The following SP2 variants were observed in gnomAD, a reference collection of about 807,000 sequenced individuals.
SP2 encodes the protein transcription factor Sp2.
A neutral mutation model predicts 50.1 loss-of-function variants in SP2; 9 were observed. The ratio of observed to expected loss-of-function variants is 0.18; its 90% CI spans 0.11 to 0.31. The LOEUF is 0.31. Among genes scored for constraint, SP2 ranks in the 10% least tolerant of loss-of-function variants. The pLI is 1.00. For synonymous variants in SP2, 313 were observed against 326.6 expected (o/e 0.96, Z 0.45); for missense variants, 581 against 806.5 (o/e 0.72, Z 3.39).
At chr17:47,924,853 G>T in intron 4 of SP2, 66 bp from the exon 5 acceptor site, 7 of 1,421,286 alleles carry the variant, frequency 4.9e-6, no homozygotes, top group Non-Finnish European at 6.7e-6. Flanking sequence ...GTGCAGAAGG[G>T]CAGAAGGGTT....
chr17:47,903,728 G>A (rs947671935), intron 1 of SP2, among the ~76,000 whole-genome samples: 6 of 152,142 alleles, frequency 3.9e-5, no homozygotes, highest in East Asian at 3.9e-4. Flanking sequence ...TTGGGAGGCC[G>A]AGGTGGTCGG....
chr17:47,928,969 G>A (rs762607827), downstream of SP2: 20 of 152,588 alleles, frequency 1.3e-4, no homozygotes, highest in East Asian at 3.8e-4. Context: ...TTGGCAGTTC[G>A]GCTTCCTTTG....
intron 4 of SP2, 90 bp downstream of exon 4, chr17:47,923,364 C>G: frequency 9.2e-7 from 1 of 1,084,936 alleles, no homozygotes; most frequent in East Asian, 2.6e-5. Flanking sequence ...TTTCCAGTAA[C>G]AATAGTGAGG....
rs760358577 is a variant in SP2 at position 47,927,744 on chromosome 17, G to T, written c.1762G>T (p.Ala588Ser). Residue 588 changes from alanine to serine, a missense_variant, in exon 7 of 7, where the codon GCC becomes TCC. This residue lies in a region of SP2 where 184 missense variants were observed against 315.5 expected (regional missense o/e 0.58). Coordinates refer to ENST00000376741, the MANE Select transcript of SP2 (RefSeq NM_003110.6). ...THTGDKRFEC[A>S]QCQKRFMRSD... ...CCCAGGGGACAAACGCTTCGAGTGCGCCCAGTGTCAGAAGCGCTTCATGAG... is the reference window on the plus strand; with the variant it reads ...CCCAGGGGACAAACGCTTCGAGTGCTCCCAGTGTCAGAAGCGCTTCATGAG... 9 of 1,589,552 alleles carry T rather than the reference G, an allele frequency of 5.7e-6. No individual in the cohort carries two copies. The highest frequency in any genetic ancestry group is 5.1e-6 in the Non-Finnish European group (6 of 1,167,406).
chr17:47,919,825 C>CTTTTTTTTTTTTT lies in SP2; in HGVS notation c.1059+2705_1059+2717dup, dbSNP rs141856390. Among the ~76,000 whole-genome samples, 30 of 94,798 alleles carry CTTTTTTTTTTTTT rather than the reference C, an allele frequency of 3.2e-4. 1 individual carries two copies. Among genetic ancestry groups the CTTTTTTTTTTTTT allele is most frequent in the Non-Finnish European group, 3.8e-4 (20 of 52,996 alleles). 62.2% of individuals were successfully genotyped at this position (94,798 alleles called of 152,430 possible). A position where few individuals can be genotyped will look rare whatever the true frequency, so the allele number is the denominator to read the frequency against. On this transcript the variant is annotated intron_variant, in intron 3 of 6. Transcript: ENST00000376741. ...TTTGATCTGAAACACTTTGTCATTC[C>CTTTTTTTTTTTTT]TTTTTTTTTTTTTTTTTTTTTTCTG...
chr17:47,903,709 C>G (rs1157296353), intron 1 of SP2, among the ~76,000 whole-genome samples: 2 of 152,146 alleles, frequency 1.3e-5, no homozygotes, highest in Non-Finnish European at 2.9e-5. Context: ...CGCCTGTAAT[C>G]CCAGCACTTT....
Position 47,923,221 on chromosome 17 carries a change from A to G in SP2, c.1319A>G (p.Asn440Ser), listed in dbSNP as rs924575041. 1.9e-6 allele frequency: 3 copies of G among 1,611,976 alleles called. No individual in the cohort carries two copies. The highest frequency in any genetic ancestry group is 1.3e-5 in the African/African-American group (1 of 74,946). Reference protein sequence around the residue: ...AAAAQAMQTININGVQVQGVP... With the variant: ...AAAAQAMQTISINGVQVQGVP... ...GCTGCCCAGGCAATGCAGACCATCAACATCAATGGTGTCCAGGTCCAGGGC... is the reference window on the plus strand; with the variant it reads ...GCTGCCCAGGCAATGCAGACCATCAGCATCAATGGTGTCCAGGTCCAGGGC... The change falls in exon 4 of 7, where the codon AAC (asparagine) becomes AGC (serine). Residue 440 changes from asparagine to serine, a missense_variant. Asn to Ser is a conservative substitution (Grantham distance 46). Transcript: ENST00000376741.
chr17:47,912,352 G>A (rs747014978), intron 1 of SP2, among the ~76,000 whole-genome samples: 3 of 151,916 alleles, frequency 2.0e-5, no homozygotes, highest in African/African-American at 7.3e-5. Flanking sequence ...AGTATAGTTT[G>A]TGTGGACTTC....
rs1042801367 is a variant in SP2 at position 47,927,733 on chromosome 17, G to A, written c.1751G>A (p.Arg584His). The change falls in exon 7 of 7, where the codon CGC becomes CAC. Residue 584 changes from arginine (R) to histidine (H), a missense_variant. Around this residue, in one of 2 missense-constraint regions of SP2, gnomAD observed 184 missense variants for 315.5 expected, o/e 0.58. Coordinates refer to ENST00000376741, the MANE Select transcript of SP2 (RefSeq NM_003110.6). Reference sequence around the variant, plus strand: ...CATCTCCTCTTCCCAGGGGACAAACGCTTCGAGTGCGCCCAGTGTCAGAAG... The same window carrying A: ...CATCTCCTCTTCCCAGGGGACAAACACTTCGAGTGCGCCCAGTGTCAGAAG... ...RHARTHTGDK[R>H]FECAQCQKRF... The A allele has an allele frequency of 1.3e-6, 2 of 1,581,468 alleles. No homozygotes were observed. The highest frequency in any genetic ancestry group is 1.2e-5 in the South Asian group (1 of 86,436).
At chr17:47,896,351 G>A in intron 1 of SP2, 58 bp downstream of exon 1, 4 of 1,225,622 alleles carry the variant, frequency 3.3e-6, no homozygotes, top group Non-Finnish European at 4.1e-6. Context: ...AGGAAGACGG[G>A]CAGAGGCCGC....
At chr17:47,913,741 CCCTT>C (rs1480630648) in intron 1 of SP2, among the ~76,000 whole-genome samples, 1 of 151,982 alleles carries the variant, frequency 6.6e-6, no homozygotes, top group Non-Finnish European at 1.5e-5. Context: ...AGTAGAGAGT[CCCTT>C]CATTACTTCC....
Position 47,915,302 on chromosome 17 carries a change from C to G in SP2, c.8-10C>G. 1 of 1,603,798 alleles carries G rather than the reference C, an allele frequency of 6.2e-7. No homozygotes were observed. The highest frequency in any genetic ancestry group is 2.2e-5 in the East Asian group (1 of 44,600). On this transcript the variant is annotated splice_polypyrimidine_tract_variant and intron_variant, in intron 1 of 6. Coordinates refer to ENST00000376741, the MANE Select transcript of SP2 (RefSeq NM_003110.6). ...TTTTATACATTACTCCATCTCTTTT[C>G]TTCCAACAGATCCACAGACCAGCAT...
intron 3 of SP2, among the ~76,000 whole-genome samples, chr17:47,922,545 G>A (rs991508438): frequency 8.9e-5 from 13 of 146,228 alleles, no homozygotes; most frequent in African/African-American, 3.3e-4. Context: ...TTGAGACAGC[G>A]TATTGCTCTG....
At chr17:47,905,248 C>T (rs1406310830) in intron 1 of SP2, among the ~76,000 whole-genome samples, 1 of 152,172 alleles carries the variant, frequency 6.6e-6, no homozygotes, top group South Asian at 2.1e-4. Flanking sequence ...CATGCTTTTC[C>T]CTCACCAGCT....
chr17:47,927,857 G>T lies in SP2; in HGVS notation c.*33G>T. On this transcript the variant is annotated 3_prime_UTR_variant, in exon 7 of 7. Coordinates refer to ENST00000376741, the MANE Select transcript of SP2 (RefSeq NM_003110.6). Reference sequence around the variant, plus strand: ...TGCGGCGGGAGGCCCTGAAGATGCAGTCCCCCACCTGTGTCCTCCCTGGGC... The same window carrying T: ...TGCGGCGGGAGGCCCTGAAGATGCATTCCCCCACCTGTGTCCTCCCTGGGC... 1 of 1,317,700 alleles carries T rather than the reference G, an allele frequency of 7.6e-7. No individual in the cohort carries two copies. The highest frequency in any genetic ancestry group is 2.5e-5 in the East Asian group (1 of 40,732). 81.6% of individuals were successfully genotyped at this position (1,317,700 alleles called of 1,614,324 possible).
chr17:47,901,343 C>T (rs2034533791), intron 1 of SP2, among the ~76,000 whole-genome samples: 1 of 152,190 alleles, frequency 6.6e-6, no homozygotes, highest in African/African-American at 2.4e-5. Flanking sequence ...GACGGGGTTT[C>T]ACTGTGTTGG....
At chr17:47,931,095 A>G (rs2144133533), downstream of SP2, among the ~76,000 whole-genome samples, 1 of 152,092 alleles carries the variant, frequency 6.6e-6, no homozygotes, top group African/African-American at 2.4e-5. Context: ...TAATCCCAGC[A>G]CTTTGGGAGG....
chr17:47,916,075 C>T lies in SP2; in HGVS notation c.85-81C>T, dbSNP rs1460301957. On this transcript the variant is annotated intron_variant, in intron 2 of 6. Transcript: ENST00000376741. The surrounding 1 kb of genome is among the most constrained non-coding windows in gnomAD (Gnocchi z 4.7). ...GGGGAAGACTGGCGTGGAATGCCGCCAGGAGGAGAGGATCATGGACAGAGG... is the reference window on the plus strand; with the variant it reads ...GGGGAAGACTGGCGTGGAATGCCGCTAGGAGGAGAGGATCATGGACAGAGG... The T allele has an allele frequency of 6.6e-7, 1 of 1,505,654 alleles. No homozygotes were observed. The highest frequency in any genetic ancestry group is 8.9e-7 in the Non-Finnish European group (1 of 1,123,488). The allele number at this position is 1,505,654 out of a possible 1,614,324, so 93.3% of individuals were successfully genotyped here.
At chr17:47,909,731 G>A (rs2034906237) in intron 1 of SP2, 1 of 978,086 alleles carries the variant, frequency 1.0e-6, no homozygotes, top group African/African-American at 1.8e-5. Context: ...TCTCATTTAG[G>A]TATGGAGCCT....
Sources: gnomAD v4.1 joint callset for allele counts (sites outside exome capture counted in the v4.1 genomes callset) on GRCh38, gnomAD v4.1.1 for gene constraint, gnomAD v4.1.1 regional missense constraint, Gnocchi (gnomAD v3.1) non-coding constraint, MANE v1.5 for transcripts, NCBI Gene and HGNC (gene_info 2026-07-23, HGNC 2026-07-21) for gene names.